CUX2: variants seen among roughly 807,000 people sequenced by gnomAD.
CUX2 encodes cut like homeobox 2, also known as homeobox protein cut-like 2.
A neutral mutation model predicts 144.8 loss-of-function variants in CUX2; 40 were observed. That is an observed-to-expected ratio of 0.28 (90% CI 0.21 to 0.36). CUX2 has a LOEUF of 0.36. Ranked by LOEUF, CUX2 falls within the 10% of genes least tolerant of loss-of-function variation. The pLI is 1.00. For synonymous variants in CUX2, 827 were observed against 875.6 expected (o/e 0.94, Z 0.98); for missense variants, 1,615 against 1,994.0 (o/e 0.81, Z 3.62).
intron 1 of CUX2, among the ~76,000 whole-genome samples, chr12:111,181,218 CAG>C (rs1338081478): frequency 6.6e-6 from 1 of 152,234 alleles, no homozygotes; most frequent in African/African-American, 2.4e-5. Context: ...TGCAGCAAAA[CAG>C]ATGTTCATCT....
intron 3 of CUX2, among the ~76,000 whole-genome samples, chr12:111,239,548 G>A (rs1158181929): frequency 6.6e-6 from 1 of 152,174 alleles, no homozygotes; most frequent in Non-Finnish European, 1.5e-5. Context: ...CACCAGTCCT[G>A]GCCCCAGGGT....
chr12:111,134,375 C>T (rs1320555853), intron 1 of CUX2, among the ~76,000 whole-genome samples: 3 of 152,280 alleles, frequency 2.0e-5, no homozygotes, highest in East Asian at 3.8e-4. Flanking sequence ...GTTTGCATAT[C>T]TCTATTAGGG....
At chr12:111,052,101 C>T (rs1342828115) in intron 1 of CUX2, among the ~76,000 whole-genome samples, 1 of 152,048 alleles carries the variant, frequency 6.6e-6, no homozygotes, top group African/African-American at 2.4e-5. Flanking sequence ...TTCTTTGTTT[C>T]CCCGGCACCA....
intron 4 of CUX2, among the ~76,000 whole-genome samples, chr12:111,282,602 G>A (rs1885167947): frequency 6.8e-6 from 1 of 147,018 alleles, no homozygotes; most frequent in Admixed American, 6.8e-5. Flanking sequence ...CTCCAGCCTG[G>A]GCAACAAGCG....
At chr12:111,262,687 AC>A (rs1249353886) in intron 3 of CUX2, among the ~76,000 whole-genome samples, 1 of 152,028 alleles carries the variant, frequency 6.6e-6, no homozygotes, top group African/African-American at 2.4e-5. Flanking sequence ...CCTAAAACTA[AC>A]CTTTTTTAAT....
chr12:111,196,353 C>T (rs1203277899), intron 1 of CUX2, among the ~76,000 whole-genome samples: 2 of 152,172 alleles, frequency 1.3e-5, no homozygotes, highest in African/African-American at 2.4e-5. Flanking sequence ...TTTCGATTCT[C>T]TTGGGTAGAG....
In CUX2 at chr12:111,312,836, T is replaced by G. The variant is rs1886975701; in HGVS notation, c.2002+635T>G. On this transcript the variant is annotated intron_variant, in intron 16 of 21. Coordinates refer to ENST00000261726, the MANE Select transcript of CUX2 (RefSeq NM_015267.4). This position sits in a 1 kb window ranked among gnomAD's most constrained non-coding sequence, Gnocchi z 4.3. The stretch of plus-strand genomic sequence containing the variant: ...GCACTCCACCCTGCGCCTCTGATGC[T>G]GTCCTTACCCCAGACACCTTTCACC... 1.3e-5 allele frequency among the ~76,000 whole-genome samples: 2 copies of G among 152,176 alleles called. No homozygotes were observed. Among genetic ancestry groups the G allele is most frequent in the Admixed American group, 1.3e-4 (2 of 15,262 alleles).
Position 111,293,336 on chromosome 12 carries a change from A to G in CUX2, c.437-110A>G. Reference sequence around the variant, plus strand: ...ACAGCTGCGCTCTCTCCAAGGCCCAAGTTTGGGAAATTGATCACAATCAAT... The same window carrying G: ...ACAGCTGCGCTCTCTCCAAGGCCCAGGTTTGGGAAATTGATCACAATCAAT... On this transcript the variant is annotated intron_variant, in intron 5 of 21. Transcript: ENST00000261726. The surrounding 1 kb of genome is among the most constrained non-coding windows in gnomAD (Gnocchi z 4.5). 1 of 1,455,500 alleles carries G rather than the reference A, an allele frequency of 6.9e-7. No homozygotes were observed. Among genetic ancestry groups the G allele is most frequent in the Non-Finnish European group, 9.1e-7 (1 of 1,097,358 alleles). 90.2% of individuals were successfully genotyped at this position (1,455,500 alleles called of 1,614,324 possible).
At chr12:111,176,039 CTTTTTTTTTTTTTT>C (rs1172563784) in intron 1 of CUX2, among the ~76,000 whole-genome samples, 1 of 70,200 alleles carries the variant, frequency 1.4e-5, no homozygotes, top group Non-Finnish European at 2.6e-5. Flanking sequence ...TCTTCTTCTT[CTTTTTTTTTTTTTT>C]TTTTTTTTTT....
chr12:111,134,612 C>CTGTGTGTGTGTGTGTG (rs1228524853), intron 1 of CUX2, among the ~76,000 whole-genome samples: 86 of 143,874 alleles, frequency 6.0e-4, no homozygotes, highest in African/African-American at 2.3e-3. Flanking sequence ...CTCTCTCTCT[C>CTGTGTGTGTGTGTGTG]TCTCTCTCTG....
intron 3 of CUX2, among the ~76,000 whole-genome samples, chr12:111,260,816 GTC>G (rs990541463): frequency 6.6e-6 from 1 of 152,228 alleles, no homozygotes; most frequent in African/African-American, 2.4e-5. Flanking sequence ...CCCTTGCTCA[GTC>G]TCTCATTGGA....
chr12:111,152,899 C>T (rs1288318232), intron 1 of CUX2, among the ~76,000 whole-genome samples: 1 of 152,122 alleles, frequency 6.6e-6, no homozygotes, highest in East Asian at 1.9e-4. Context: ...AAAGAAGGCA[C>T]CTTCTGGGAA....
At chr12:111,181,533 G>A (rs1879176657) in intron 1 of CUX2, among the ~76,000 whole-genome samples, 1 of 152,192 alleles carries the variant, frequency 6.6e-6, no homozygotes, top group African/African-American at 2.4e-5. Flanking sequence ...TGGAGAATTA[G>A]ATCCTGATAA....
At chr12:111,306,192 G>A (rs954655743) in intron 10 of CUX2, among the ~76,000 whole-genome samples, 1 of 152,154 alleles carries the variant, frequency 6.6e-6, no homozygotes, top group Non-Finnish European at 1.5e-5. Flanking sequence ...TTTGGGGGGT[G>A]TGCTTTTCTG....
chr12:111,118,510 T>C (rs1345644363), intron 1 of CUX2, among the ~76,000 whole-genome samples: 2 of 152,146 alleles, frequency 1.3e-5, no homozygotes, highest in Non-Finnish European at 2.9e-5. Context: ...TGTAGATCCA[T>C]TGTTAACCAT....
intron 20 of CUX2, chr12:111,339,413 C>T (rs1200325689): frequency 8.5e-5 from 13 of 152,208 alleles, no homozygotes; most frequent in Admixed American, 8.5e-4. Context: ...GCCCATTACC[C>T]AGATTCTACA....
At chr12:111,089,169 G>C (rs1872415295) in intron 1 of CUX2, among the ~76,000 whole-genome samples, 1 of 152,198 alleles carries the variant, frequency 6.6e-6, no homozygotes, top group South Asian at 2.1e-4. Flanking sequence ...GCTTTGTCCT[G>C]TGCAGTTCCT....
At chr12:111,116,422 TG>T (rs1438893947) in intron 1 of CUX2, among the ~76,000 whole-genome samples, 1 of 152,192 alleles carries the variant, frequency 6.6e-6, no homozygotes, top group Non-Finnish European at 1.5e-5. Flanking sequence ...GTTAACTAAT[TG>T]GTTTGTGGAT....
intron 21 of CUX2, 60 bp downstream of exon 21, chr12:111,342,113 C>T: frequency 6.5e-7 from 1 of 1,549,444 alleles, no homozygotes; most frequent in Non-Finnish European, 8.7e-7. Context: ...ACCCCTTCCC[C>T]ATCCCAGGGC....
Sources: gnomAD v4.1 joint callset for allele counts (sites outside exome capture counted in the v4.1 genomes callset) on GRCh38, gnomAD v4.1.1 for gene constraint, Gnocchi (gnomAD v3.1) non-coding constraint, MANE v1.5 for transcripts, NCBI Gene and HGNC (gene_info 2026-07-23, HGNC 2026-07-21) for gene names.